TMEM130: variants seen among roughly 807,000 people sequenced by gnomAD.
TMEM130 encodes the protein transmembrane protein 130.
A neutral mutation model predicts 42.9 loss-of-function variants in TMEM130; 37 were observed. That is an observed-to-expected ratio of 0.86 (90% CI 0.66 to 1.13). The LOEUF (loss-of-function observed/expected upper bound fraction) is 1.13. Ranked by LOEUF, TMEM130 falls within the 50% of genes most tolerant of loss-of-function variation. The probability of loss-of-function intolerance (pLI) is 0.00; values close to 1 mark genes in which losing one functional copy is unlikely to be tolerated. For synonymous variants in TMEM130, 259 were observed against 237.7 expected, an observed-to-expected ratio of 1.09 and a Z score of -0.82; for missense variants, 545 against 562.6, an observed-to-expected ratio of 0.97 and a Z score of 0.32.
At chr7:98,851,692 G>C in intron 5 of TMEM130, 69 bp from the exon 6 acceptor site, 1 of 1,419,136 alleles carries the variant, frequency 7.0e-7, no homozygotes, top group Non-Finnish European at 9.4e-7. Context: ...CCAAGTCCAA[G>C]ACAGGCCAGG....
At position 98,850,262 on chromosome 7, in the gene TMEM130, T is replaced by C. The variant is rs1293723146; in HGVS notation, c.1006+1159A>G. Among the ~76,000 whole-genome samples, 4 of 49,062 alleles carry C rather than the reference T, an allele frequency of 8.2e-5. 1 individual carries two copies. The highest frequency in any genetic ancestry group is 2.6e-4 in the African/African-American group (4 of 15,420). The allele number at this position is 49,062 out of a possible 152,430, so 32.2% of individuals were successfully genotyped here. On this transcript the variant is annotated intron_variant, in intron 6 of 7. Coordinates refer to ENST00000339375, the MANE Select transcript of TMEM130 (RefSeq NM_152913.3). The stretch of plus-strand genomic sequence containing the variant: ...TCTCTGTCTCTCTCATATATATATA[T>C]ATATATATATATTTTTTTTTTTTTT...
intron 5 of TMEM130, among the ~76,000 whole-genome samples, chr7:98,854,838 C>G (rs187963367): frequency 6.6e-6 from 1 of 152,230 alleles, no homozygotes; most frequent in Non-Finnish European, 1.5e-5. Context: ...GAGTTGGAGA[C>G]CAGCCTGGGC....
At position 98,851,713 on chromosome 7, in the gene TMEM130, C is replaced by T. The variant is rs1440319904; in HGVS notation, c.804-90G>A. Reference sequence around the variant, plus strand: ...CCAAGACAGGCCAGGTGGGCAGGAACTTCAGTGTCCTTTCCAGGACAGGAC... The same window carrying T: ...CCAAGACAGGCCAGGTGGGCAGGAATTTCAGTGTCCTTTCCAGGACAGGAC... On this transcript the variant is annotated intron_variant, in intron 5 of 7. Transcript: ENST00000339375. 3.4e-6 allele frequency: 4 copies of T among 1,188,124 alleles called. No homozygotes were observed. In the African/African-American group the frequency reaches 4.6e-5, roughly 14 times the overall value. 73.6% of individuals were successfully genotyped at this position (1,188,124 alleles called of 1,614,324 possible).
intron 3 of TMEM130, among the ~76,000 whole-genome samples, chr7:98,857,388 C>T (rs950152162): frequency 5.9e-5 from 9 of 152,070 alleles, no homozygotes; most frequent in Non-Finnish European, 1.3e-4. Context: ...CTTTTGTCAC[C>T]AAGAGTTAGA....
At chr7:98,856,799 C>T (rs1354083849) in intron 3 of TMEM130, among the ~76,000 whole-genome samples, 4 of 152,070 alleles carry the variant, frequency 2.6e-5, no homozygotes, top group Non-Finnish European at 5.9e-5. Context: ...GCCAGCCAAG[C>T]CGAGGGTTCT....
At chr7:98,855,095 C>T in intron 5 of TMEM130, 145 bp downstream of exon 5, 3 of 524,892 alleles carry the variant, frequency 5.7e-6, no homozygotes, top group Non-Finnish European at 6.6e-6. Flanking sequence ...CTCCCCATGG[C>T]CCAGCCTCAA....
In TMEM130 at chr7:98,851,557, G is replaced by A. The variant is rs782119666; in HGVS notation, c.870C>T (p.His290=). 1.8e-5 allele frequency: 29 copies of A among 1,614,054 alleles called. No individual in the cohort carries two copies. Among genetic ancestry groups the A allele is most frequent in the East Asian group, 2.2e-5 (1 of 44,870 alleles). The change falls in exon 6 of 8, where the codon CAC becomes CAT. Residue 290 remains histidine (H), a synonymous_variant. Transcript: ENST00000339375. ...ECLPLEEGEC[H]PVSVASTAYN... ...ACGCTGTGCTGGCCACGGACACAGG[G>A]TGGCACTCCCCTTCCTCCAGCGGGA...
intron 1 of TMEM130, chr7:98,866,323 T>C (rs556436466): frequency 7.2e-5 from 11 of 152,014 alleles, no homozygotes; most frequent in African/African-American, 2.7e-4. Context: ...AATAAATAAA[T>C]ACATAAATCA....
rs782697531 is a variant in TMEM130, at chr7:98,869,769, C to A, written c.85+8G>T. The A allele has an allele frequency of 7.2e-5, 101 of 1,395,406 alleles. 1 individual carries two copies. The South Asian group carries it at 1.1e-3, about 15-fold the overall frequency. The allele number at this position is 1,395,406 out of a possible 1,614,324, so 86.4% of individuals were successfully genotyped here. On this transcript the variant is annotated splice_region_variant and intron_variant, in intron 1 of 7. Coordinates refer to ENST00000339375, the MANE Select transcript of TMEM130 (RefSeq NM_152913.3). This position sits in a 1 kb window ranked among gnomAD's most constrained non-coding sequence, Gnocchi z 4.7. Reference sequence around the variant, plus strand: ...GCTGCAGGGAGGCCGGATTGCCCAGCGCCTTACCTGCGGCCACCCCTGCCG... The same window carrying A: ...GCTGCAGGGAGGCCGGATTGCCCAGAGCCTTACCTGCGGCCACCCCTGCCG...
At chr7:98,864,836 A>C (rs1055784739) in intron 1 of TMEM130, among the ~76,000 whole-genome samples, 3 of 152,148 alleles carry the variant, frequency 2.0e-5, no homozygotes, top group Non-Finnish European at 2.9e-5. Context: ...AGAGGCAGAG[A>C]TTGCAATGAG....
At chr7:98,855,176 T>G in intron 5 of TMEM130, 64 bp downstream of exon 5, 1 of 1,444,598 alleles carries the variant, frequency 6.9e-7, no homozygotes, top group Non-Finnish European at 9.6e-7. Context: ...AGACTTGGGG[T>G]CATCGTGAAG....
chr7:98,867,527 A>C (rs1794934867), intron 1 of TMEM130, among the ~76,000 whole-genome samples: 1 of 152,202 alleles, frequency 6.6e-6, no homozygotes, highest in Non-Finnish European at 1.5e-5. Flanking sequence ...GGCAGGTAGC[A>C]GGGACATTCG....
intron 1 of TMEM130, among the ~76,000 whole-genome samples, chr7:98,864,910 A>C (rs1030481344): frequency 2.0e-5 from 3 of 152,210 alleles, no homozygotes; most frequent in African/African-American, 7.2e-5. Flanking sequence ...CAAAAACAAA[A>C]GAAAACAAAC....
chr7:98,850,246 C>G (rs1443723822), intron 6 of TMEM130, among the ~76,000 whole-genome samples: 2 of 90,652 alleles, frequency 2.2e-5, no homozygotes, highest in African/African-American at 6.9e-5. Context: ...CTCTCTGTCT[C>G]TCTCATATAT....
chr7:98,850,267 A>ATTTTTTTTTT (rs1161479294), intron 6 of TMEM130, among the ~76,000 whole-genome samples: 23 of 28,810 alleles, frequency 8.0e-4, no homozygotes, highest in Admixed American at 1.6e-3. Context: ...ATATATATAT[A>ATTTTTTTTTT]TATATATTTT....
chr7:98,862,930 T>C (rs558639196), intron 2 of TMEM130, among the ~76,000 whole-genome samples, 165 bp downstream of exon 2: 1 of 152,260 alleles, frequency 6.6e-6, no homozygotes, highest in Non-Finnish European at 1.5e-5. Context: ...ATCACTGCCA[T>C]TTTCAGATCC....
chr7:98,851,709 G>C, intron 5 of TMEM130, 86 bp from the exon 6 acceptor site: 1 of 1,275,142 alleles, frequency 7.8e-7, no homozygotes, highest in Non-Finnish European at 1.1e-6. Context: ...CAGGTGGGCA[G>C]GAACTTCAGT....
chr7:98,860,399 T>C (rs1554399650), intron 2 of TMEM130, 61 bp from the exon 3 acceptor site: 12 of 1,497,080 alleles, frequency 8.0e-6, no homozygotes, highest in African/African-American at 1.4e-5. Flanking sequence ...GGAAACCAGG[T>C]AGAGACTTCA....
intron 3 of TMEM130, among the ~76,000 whole-genome samples, chr7:98,859,751 A>T (rs111426825): frequency 2.0e-5 from 3 of 151,318 alleles, no homozygotes; most frequent in East Asian, 1.9e-4. Context: ...TTAATTAATT[A>T]AATTTAATAT....
Sources: gnomAD v4.1 joint callset for allele counts (sites outside exome capture counted in the v4.1 genomes callset) on GRCh38, gnomAD v4.1.1 for gene constraint, Gnocchi (gnomAD v3.1) non-coding constraint, MANE v1.5 for transcripts, NCBI Gene and HGNC (gene_info 2026-07-23, HGNC 2026-07-21) for gene names.